GALNT17: variants seen among roughly 807,000 people sequenced by gnomAD.
GALNT17 encodes UDP-GalNAc:polypeptide N-acetylgalactosaminyltransferase-like 3.
A neutral mutation model predicts 63.7 loss-of-function variants in GALNT17; 29 were observed. That is an observed-to-expected ratio of 0.46 (90% CI 0.34 to 0.62). The LOEUF (loss-of-function observed/expected upper bound fraction) is 0.62. GALNT17 is among the 20% of genes least tolerant of loss of function. The pLI is 0.01. For synonymous variants in GALNT17, 305 were observed against 318.3 expected (o/e 0.96, Z 0.45); for missense variants, 603 against 799.6 (o/e 0.75, Z 2.97).
chr7:71,447,844 A>G (rs1020341857), intron 5 of GALNT17, among the ~76,000 whole-genome samples: 3 of 152,150 alleles, frequency 2.0e-5, no homozygotes, highest in African/African-American at 7.2e-5. Context: ...CAGTCCTCTC[A>G]GCAACCTTAG....
At chr7:71,247,302 T>C (rs1284385525) in intron 1 of GALNT17, among the ~76,000 whole-genome samples, 1 of 152,220 alleles carries the variant, frequency 6.6e-6, no homozygotes, top group Non-Finnish European at 1.5e-5. Flanking sequence ...AACCTCGTTA[T>C]AGCTTTGGGG....
At chr7:71,254,769 A>G (rs761387039) in intron 1 of GALNT17, among the ~76,000 whole-genome samples, 1 of 152,196 alleles carries the variant, frequency 6.6e-6, no homozygotes, top group East Asian at 1.9e-4. Context: ...AAAGGGTGAC[A>G]TGAAAGCCCA....
intron 1 of GALNT17, chr7:71,300,611 CAACCA>C (rs1337731476): frequency 3.8e-5 from 10 of 263,840 alleles, no homozygotes; most frequent in Non-Finnish European, 6.9e-5. Context: ...CACATACACA[CAACCA>C]CACACACAAA....
intron 1 of GALNT17, among the ~76,000 whole-genome samples, chr7:71,279,765 A>G (rs1322397626): frequency 6.6e-6 from 1 of 150,538 alleles, no homozygotes; most frequent in African/African-American, 2.4e-5. Flanking sequence ...GGCTGGAGGA[A>G]CGAAGCGAAA....
intron 3 of GALNT17, among the ~76,000 whole-genome samples, chr7:71,396,514 ACTTTTT>A (rs1358859255): frequency 1.3e-5 from 2 of 152,092 alleles, no homozygotes; most frequent in Non-Finnish European, 2.9e-5. Flanking sequence ...TGTCTTGATA[ACTTTTT>A]CTTTATAGTA....
In GALNT17 at chr7:71,691,360, C is replaced by G. The variant is rs60278324; in HGVS notation, c.1500+14054C>G. 7.5e-3 allele frequency among the ~76,000 whole-genome samples: 1,137 copies of G among 152,296 alleles called. 19 individuals are homozygous for G. Among genetic ancestry groups the G allele is most frequent in the African/African-American group, 0.026 (1,089 of 41,564 alleles). ...GGCATGCTATTGCACACTTAATAGTCTACAGTATAGTGTAAACATAACTTT... is the reference window on the plus strand; with the variant it reads ...GGCATGCTATTGCACACTTAATAGTGTACAGTATAGTGTAAACATAACTTT... On this transcript the variant is annotated intron_variant, in intron 9 of 10. Transcript: ENST00000333538.
intron 1 of GALNT17, among the ~76,000 whole-genome samples, chr7:71,229,244 C>T (rs1789741687): frequency 6.6e-6 from 1 of 152,234 alleles, no homozygotes; most frequent in South Asian, 2.1e-4. Context: ...GCTGCTGCCT[C>T]TGCATCTTTC....
At chr7:71,603,408 G>T (rs773369124) in intron 6 of GALNT17, among the ~76,000 whole-genome samples, 1 of 151,402 alleles carries the variant, frequency 6.6e-6, no homozygotes, top group Non-Finnish European at 1.5e-5. Context: ...TGCGTACTCT[G>T]GATACTATGC....
intron 1 of GALNT17, among the ~76,000 whole-genome samples, chr7:71,192,013 T>A (rs1359201241): frequency 6.6e-6 from 1 of 152,116 alleles, no homozygotes; most frequent in African/African-American, 2.4e-5. Context: ...CAGCTGACAG[T>A]GTATCCTTCA....
In GALNT17 at chr7:71,525,742, T is replaced by C. The variant is rs1013330423; in HGVS notation, c.963-45543T>C. On this transcript the variant is annotated intron_variant, in intron 5 of 10. Transcript: ENST00000333538. ...AGTCTTGGGTATGTCTTTTCTTTTT[T>C]TTTTTTTTTTTTTTTGAGATGGTGT... Among the ~76,000 whole-genome samples, 754 of 142,412 alleles carry C rather than the reference T, an allele frequency of 5.3e-3. 5 individuals are homozygous for C. Among genetic ancestry groups the C allele is most frequent in the African/African-American group, 0.012 (454 of 38,556 alleles). 93.4% of individuals were successfully genotyped at this position (142,412 alleles called of 152,430 possible).
At chr7:71,231,606 G>C (rs1424081307) in intron 1 of GALNT17, among the ~76,000 whole-genome samples, 2 of 152,024 alleles carry the variant, frequency 1.3e-5, no homozygotes, top group Admixed American at 1.3e-4. Context: ...AGCATGGTCA[G>C]ATACTGGTGA....
intron 3 of GALNT17, among the ~76,000 whole-genome samples, chr7:71,401,483 C>G (rs1793239742): frequency 6.6e-6 from 1 of 152,114 alleles, no homozygotes; most frequent in South Asian, 2.1e-4. Context: ...GGGTCCCCAA[C>G]CCCCCAGGCC....
intron 5 of GALNT17, among the ~76,000 whole-genome samples, chr7:71,438,755 A>G (rs1474361956): frequency 6.6e-6 from 1 of 152,200 alleles, no homozygotes; most frequent in Non-Finnish European, 1.5e-5. Flanking sequence ...TGGGAATATT[A>G]TAATAGCCCT....
At chr7:71,429,907 A>C (rs570319695) in intron 5 of GALNT17, among the ~76,000 whole-genome samples, 1 of 152,140 alleles carries the variant, frequency 6.6e-6, no homozygotes, top group Non-Finnish European at 1.5e-5. Flanking sequence ...AGGTTTTATC[A>C]TGTTGGCAAG....
At chr7:71,133,275 C>T (rs1261182333) in intron 1 of GALNT17, among the ~76,000 whole-genome samples, 1 of 152,216 alleles carries the variant, frequency 6.6e-6, no homozygotes, top group East Asian at 1.9e-4. Context: ...ATCCTGGAAA[C>T]ATGTCAGTAC....
chr7:71,179,321 GACTGA>G (rs1308215743), intron 1 of GALNT17, among the ~76,000 whole-genome samples: 1 of 152,128 alleles, frequency 6.6e-6, no homozygotes, highest in Non-Finnish European at 1.5e-5. Context: ...TGCCTTTCCG[GACTGA>G]ACCAATGTTC....
At chr7:71,170,588 G>A (rs187119609) in intron 1 of GALNT17, among the ~76,000 whole-genome samples, 1 of 152,114 alleles carries the variant, frequency 6.6e-6, no homozygotes, top group Non-Finnish European at 1.5e-5. Context: ...CTCCCACCTC[G>A]GCCTCCCAAA....
At chr7:71,442,668 G>A (rs1160203765) in intron 5 of GALNT17, among the ~76,000 whole-genome samples, 4 of 152,096 alleles carry the variant, frequency 2.6e-5, no homozygotes, top group African/African-American at 4.8e-5. Context: ...ATTTTCTTCC[G>A]GAAGTGTAGG....
intron 1 of GALNT17, among the ~76,000 whole-genome samples, chr7:71,218,222 C>T (rs139632533): frequency 0.012 from 1,886 of 152,150 alleles, 33 homozygotes; most frequent in African/African-American, 0.043. Context: ...GGTGAAACCC[C>T]GTCTCTACTA....
Sources: allele counts gnomAD v4.1 joint callset (sites outside exome capture counted in the v4.1 genomes callset), GRCh38; gene constraint gnomAD v4.1.1; transcripts MANE v1.5; gene names NCBI Gene and HGNC (gene_info 2026-07-23, HGNC 2026-07-21).